The following SLC1A2 variants were observed in gnomAD, a reference collection of about 807,000 sequenced individuals.
The protein encoded by SLC1A2 is excitatory amino acid transporter 2.
In SLC1A2, 15 loss-of-function variants were observed where a neutral mutation model predicts 48.8. That is an observed-to-expected ratio of 0.31 (90% CI 0.21 to 0.47). The LOEUF (loss-of-function observed/expected upper bound fraction) is 0.47, where lower values mean the gene tolerates loss of function less well. Among genes scored for constraint, SLC1A2 ranks in the 20% least tolerant of loss-of-function variants. The pLI is 0.99. For synonymous variants in SLC1A2, 279 were observed against 272.6 expected (o/e 1.02, Z -0.23); for missense variants, 502 against 730.5 (o/e 0.69, Z 3.61).
Position 35,327,618 on chromosome 11 carries a change from T to C in SLC1A2, c.18-10102A>G, listed in dbSNP as rs181543327. ...AAGCAGACTCTTCTCCTTGTGTTCA[T>C]CTTTCAATCGTAAATAATAACCAAC... On this transcript the variant is annotated intron_variant, in intron 1 of 10. Transcript: ENST00000278379. Among the ~76,000 whole-genome samples the C allele has an allele frequency of 6.3e-4, 96 of 152,384 alleles. 1 individual carries two copies. In the East Asian group the frequency reaches 0.018, roughly 29 times the overall value.
intron 8 of SLC1A2, chr11:35,285,781 G>C (rs1217033177): frequency 6.6e-6 from 1 of 152,134 alleles, no homozygotes; most frequent in African/African-American, 2.4e-5. Context: ...GGCAAACAAA[G>C]CAACACTCTG....
chr11:35,359,192 T>A (rs771124647), intron 1 of SLC1A2, among the ~76,000 whole-genome samples: 2 of 152,216 alleles, frequency 1.3e-5, no homozygotes, highest in African/African-American at 2.4e-5. Context: ...CTGCAATTCA[T>A]GAATTTTCAT....
At position 35,280,980 on chromosome 11, in the gene SLC1A2, G is replaced by A. The variant is rs763019032; in HGVS notation, c.1308C>T (p.Ser436=). The change falls in exon 9 of 11, where the codon AGC becomes AGT. Residue 436 remains serine, a synonymous_variant. Transcript: ENST00000278379. ...CACTGGGGATACTGGCCGCGCCGAC[G>A]CTTGCCAGGGTGGCTGTGAGGCTAT... The part of the protein sequence containing the change: ...VTVSLTATLA[S]VGAASIPSAG... 8.1e-6 allele frequency: 13 copies of A among 1,609,848 alleles called. No homozygotes were observed. The highest frequency in any genetic ancestry group is 3.3e-5 in the South Asian group (3 of 90,450).
chr11:35,359,520 CTGTT>C (rs1253604952), intron 1 of SLC1A2, among the ~76,000 whole-genome samples: 2 of 152,172 alleles, frequency 1.3e-5, no homozygotes, highest in Non-Finnish European at 2.9e-5. Flanking sequence ...CCCAAGGTCA[CTGTT>C]TGTTTGGATG....
At chr11:35,295,259 C>T (rs1341552883) in intron 6 of SLC1A2, among the ~76,000 whole-genome samples, 2 of 151,970 alleles carry the variant, frequency 1.3e-5, no homozygotes, top group Non-Finnish European at 2.9e-5. Context: ...CTATTTTGCT[C>T]AGCTGGTCTC....
At chr11:35,368,623 C>T (rs956907823) in intron 1 of SLC1A2, among the ~76,000 whole-genome samples, 3 of 152,210 alleles carry the variant, frequency 2.0e-5, no homozygotes, top group Non-Finnish European at 4.4e-5. Flanking sequence ...TAAAAAGCAG[C>T]AAGGGTTGTC....
chr11:35,278,478 C>T (rs1371968001), intron 9 of SLC1A2, among the ~76,000 whole-genome samples: 2 of 151,842 alleles, frequency 1.3e-5, no homozygotes, highest in Non-Finnish European at 2.9e-5. Flanking sequence ...GGGGTTTCTC[C>T]ATGTTGTTCA....
chr11:35,357,970 C>A (rs796595054), intron 1 of SLC1A2, among the ~76,000 whole-genome samples: 51 of 152,192 alleles, frequency 3.4e-4, no homozygotes, highest in African/African-American at 1.2e-3. Context: ...CGTGGTAAAA[C>A]CCCGTCTCTA....
intron 1 of SLC1A2, among the ~76,000 whole-genome samples, chr11:35,345,911 C>G (rs1853013953): frequency 6.6e-6 from 1 of 152,106 alleles, no homozygotes; most frequent in African/African-American, 2.4e-5. Flanking sequence ...CTTAGTTAAA[C>G]CTCACAACCT....
At chr11:35,408,075 T>C (rs1855354047) in intron 1 of SLC1A2, among the ~76,000 whole-genome samples, 1 of 152,164 alleles carries the variant, frequency 6.6e-6, no homozygotes, top group Non-Finnish European at 1.5e-5. Context: ...AATTCCTTTT[T>C]CTGCACTTAC....
chr11:35,346,481 T>C lies in SLC1A2; in HGVS notation c.18-28965A>G, dbSNP rs370165663. On this transcript the variant is annotated intron_variant, in intron 1 of 10. Transcript: ENST00000278379. ...CTGAGCATCTGGCATACCCAGGGGA[T>C]TGAGGGGATACAGTGACTGGGACTC... is the stretch of plus-strand genomic sequence containing the variant. Among the ~76,000 whole-genome samples, 4 of 152,224 alleles carry C rather than the reference T, an allele frequency of 2.6e-5. No individual in the cohort carries two copies. The East Asian group carries it at 7.7e-4, about 29-fold the overall frequency.
In SLC1A2 at chr11:35,306,257, G is replaced by GA; in HGVS notation, c.562-16dup. ...ACTGTTTGAATCTAACAGAGTGAGG[G>GA]AAAAAAGGCATAGAGCTGAGATTTG... On this transcript the variant is annotated splice_polypyrimidine_tract_variant and intron_variant, in intron 4 of 10. Coordinates refer to ENST00000278379, the MANE Select transcript of SLC1A2 (RefSeq NM_004171.4). 6.3e-7 allele frequency: 1 copy of GA among 1,594,826 alleles called. No individual in the cohort carries two copies. The highest frequency in any genetic ancestry group is 8.6e-7 in the Non-Finnish European group (1 of 1,168,552).
chr11:35,301,994 G>T (rs1565225961), intron 5 of SLC1A2, among the ~76,000 whole-genome samples: 1 of 152,166 alleles, frequency 6.6e-6, no homozygotes, highest in Non-Finnish European at 1.5e-5. Context: ...GATTAACGAG[G>T]AAAAGCCTGT....
intron 1 of SLC1A2, among the ~76,000 whole-genome samples, chr11:35,379,462 C>T (rs972388461): frequency 6.6e-6 from 1 of 152,198 alleles, no homozygotes; most frequent in Admixed American, 6.5e-5. Context: ...CAAACTCCCA[C>T]CCACAAAGAA....
At chr11:35,381,796 G>A (rs1161682920) in intron 1 of SLC1A2, among the ~76,000 whole-genome samples, 1 of 152,174 alleles carries the variant, frequency 6.6e-6, no homozygotes, top group African/African-American at 2.4e-5. Flanking sequence ...CGTATTTCTT[G>A]TAAGTGTCAT....
intron 1 of SLC1A2, among the ~76,000 whole-genome samples, chr11:35,359,847 G>A (rs2135123195): frequency 6.6e-6 from 1 of 152,290 alleles, no homozygotes; most frequent in East Asian, 1.9e-4. Context: ...CTCATTCACA[G>A]GAGCGAAATC....
chr11:35,311,935 GGT>G (rs201990776), intron 4 of SLC1A2, among the ~76,000 whole-genome samples: 82 of 7,348 alleles, frequency 0.011, 17 homozygotes, highest in East Asian at 0.095. Context: ...GGGGGGGGGG[GGT>G]GGGGGAGAAA....
intron 2 of SLC1A2, chr11:35,316,658 T>G (rs907714617): frequency 6.6e-6 from 1 of 152,178 alleles, no homozygotes; most frequent in Non-Finnish European, 1.5e-5. Flanking sequence ...GAAACCTAAG[T>G]GAGAGCTGCA....
At chr11:35,304,643 A>G (rs776047881) in intron 5 of SLC1A2, among the ~76,000 whole-genome samples, 12 of 152,112 alleles carry the variant, frequency 7.9e-5, no homozygotes, top group African/African-American at 2.9e-4. Context: ...CTGCCAAGCC[A>G]AACAAAAAAG....
Sources: allele counts gnomAD v4.1 joint callset (sites outside exome capture counted in the v4.1 genomes callset), GRCh38; gene constraint gnomAD v4.1.1; transcripts MANE v1.5; gene names NCBI Gene and HGNC (gene_info 2026-07-23, HGNC 2026-07-21).